MARCHF1: variants seen among roughly 807,000 people sequenced by gnomAD.
MARCHF1 encodes membrane associated ring-CH-type finger 1, also known as E3 ubiquitin-protein ligase MARCHF1.
MARCHF1 carries 40 observed loss-of-function variants against 54.2 expected under a neutral mutation model. That is an observed-to-expected ratio of 0.74 (90% CI 0.57 to 0.96). The LOEUF (loss-of-function observed/expected upper bound fraction) is 0.96, where lower values mean the gene tolerates loss of function less well. Among genes scored for constraint, MARCHF1 ranks in the 40% least tolerant of loss-of-function variants. The pLI is 0.00. For missense variants in MARCHF1, 586 were observed against 656.5 expected, an observed-to-expected ratio of 0.89 and a Z score of 1.17; for synonymous variants, 236 against 236.3, an observed-to-expected ratio of 1.00 and a Z score of 0.01.
chr4:163,631,780 A>G (rs1330407419), intron 5 of MARCHF1, among the ~76,000 whole-genome samples: 1 of 152,260 alleles, frequency 6.6e-6, no homozygotes, highest in Non-Finnish European at 1.5e-5. Flanking sequence ...ATATGATACC[A>G]AAAGCATGGG....
rs544325144 is a variant in MARCHF1, at chr4:164,149,283, G to A, written c.-322-37621C>T. Among the ~76,000 whole-genome samples the A allele has an allele frequency of 4.4e-4, 67 of 152,222 alleles. No individual in the cohort carries two copies. The Middle Eastern group carries it at 0.021, about 47-fold the overall frequency. On this transcript the variant is annotated intron_variant, in intron 1 of 9. Transcript: ENST00000514618. ...TTACTCAGTCAGTCATTCCTTTATA[G>A]CAATGCAAAATGGACTAACTCAGAT...
At chr4:163,585,965 C>T in intron 7 of MARCHF1, 36 bp from the exon 8 acceptor site, 2 of 1,555,642 alleles carry the variant, frequency 1.3e-6, no homozygotes, top group South Asian at 2.4e-5. Context: ...TGAGATCTCC[C>T]AGAGAACATT....
chr4:163,837,149 A>C (rs141108407), intron 4 of MARCHF1, among the ~76,000 whole-genome samples: 1 of 152,172 alleles, frequency 6.6e-6, no homozygotes, highest in African/African-American at 2.4e-5. Context: ...ATGAATCACA[A>C]TTAAGGGAAG....
In MARCHF1 at chr4:163,780,070, T is replaced by C. The variant is rs150058594; in HGVS notation, c.111+73951A>G. ...CCACACGGATTTGTTTATGAGCCCA[T>C]TGAGTGGACAAAATTGAGAACAGTC... On this transcript the variant is annotated intron_variant, in intron 4 of 9. Transcript: ENST00000514618. 8.3e-4 allele frequency among the ~76,000 whole-genome samples: 126 copies of C among 152,276 alleles called. 1 individual carries two copies. Among genetic ancestry groups the C allele is most frequent in the African/African-American group, 2.9e-3 (120 of 41,544 alleles).
At chr4:163,861,528 T>C (rs1227772040) in intron 3 of MARCHF1, among the ~76,000 whole-genome samples, 1 of 152,112 alleles carries the variant, frequency 6.6e-6, no homozygotes, top group Non-Finnish European at 1.5e-5. Flanking sequence ...AATATAACAA[T>C]TTTACAGGAT....
chr4:163,936,889 A>C (rs1406333420), intron 3 of MARCHF1, among the ~76,000 whole-genome samples: 1 of 152,192 alleles, frequency 6.6e-6, no homozygotes, highest in Non-Finnish European at 1.5e-5. Flanking sequence ...AGAGTATATA[A>C]GAGTGGCTTT....
intron 4 of MARCHF1, among the ~76,000 whole-genome samples, chr4:163,719,925 T>C (rs1411786494): frequency 1.3e-5 from 2 of 152,190 alleles, no homozygotes; most frequent in Non-Finnish European, 2.9e-5. Flanking sequence ...TTCTGGATAT[T>C]AGCCCTTTGT....
intron 9 of MARCHF1, among the ~76,000 whole-genome samples, chr4:163,535,076 G>A (rs985983956): frequency 3.9e-5 from 6 of 151,926 alleles, no homozygotes; most frequent in African/African-American, 1.2e-4. Flanking sequence ...AAAAAATGTT[G>A]TTCTACTTTG....
At chr4:164,306,511 T>C (rs1230642199) in intron 1 of MARCHF1, among the ~76,000 whole-genome samples, 1 of 152,160 alleles carries the variant, frequency 6.6e-6, no homozygotes, top group Non-Finnish European at 1.5e-5. Context: ...CTCACTGCAG[T>C]AAAACGATTT....
chr4:163,552,185 C>T (rs899531985), intron 8 of MARCHF1, among the ~76,000 whole-genome samples: 1 of 152,192 alleles, frequency 6.6e-6, no homozygotes, highest in Non-Finnish European at 1.5e-5. Flanking sequence ...AGTGCAGCTC[C>T]TCTGTCTCTC....
intron 1 of MARCHF1, among the ~76,000 whole-genome samples, chr4:164,168,656 T>C (rs111483934): frequency 0.013 from 1,875 of 142,104 alleles, 38 homozygotes; most frequent in East Asian, 0.092. Flanking sequence ...CTCACTTTTA[T>C]GTGGAATACA....
intron 1 of MARCHF1, among the ~76,000 whole-genome samples, chr4:164,243,221 C>G (rs200553497): frequency 1.4e-5 from 2 of 142,510 alleles, no homozygotes; most frequent in African/African-American, 2.7e-5. Flanking sequence ...CTAAGGGCAG[C>G]CAGAGAGAAA....
At chr4:164,212,614 C>T (rs1579627709) in intron 1 of MARCHF1, among the ~76,000 whole-genome samples, 1 of 152,164 alleles carries the variant, frequency 6.6e-6, no homozygotes, top group South Asian at 2.1e-4. Context: ...TGTATATGAT[C>T]AGCCTTCAAT....
rs541521955 is a variant in MARCHF1 at position 163,746,970 on chromosome 4, C to T, written c.112-46107G>A. Among the ~76,000 whole-genome samples the T allele has an allele frequency of 4.6e-5, 7 of 152,274 alleles. No homozygotes were observed. In the East Asian group the frequency reaches 1.2e-3, roughly 25 times the overall value. On this transcript the variant is annotated intron_variant, in intron 4 of 9. Transcript: ENST00000514618. The stretch of plus-strand genomic sequence containing the variant: ...ACTGAAGCTTGTCTTTGATCTTGAG[C>T]ACATTTTCAAAGCTGGGTGAACTTG...
At chr4:163,543,502 A>G (rs943409419) in intron 9 of MARCHF1, among the ~76,000 whole-genome samples, 2 of 151,948 alleles carry the variant, frequency 1.3e-5, no homozygotes, top group East Asian at 1.9e-4. Flanking sequence ...CTTTCAAACA[A>G]TCATTCAGAA....
intron 2 of MARCHF1, among the ~76,000 whole-genome samples, chr4:164,080,654 G>A (rs1265843926): frequency 1.3e-5 from 2 of 150,174 alleles, no homozygotes; most frequent in African/African-American, 2.5e-5. Context: ...TCTATTGTGT[G>A]TGTGTGTGTG....
intron 3 of MARCHF1, among the ~76,000 whole-genome samples, chr4:163,985,901 T>C: frequency 6.6e-6 from 1 of 152,176 alleles, no homozygotes; most frequent in Non-Finnish European, 1.5e-5. Context: ...CAAGATGTTT[T>C]ACTTTTCTTT....
intron 5 of MARCHF1, among the ~76,000 whole-genome samples, chr4:163,632,442 A>G (rs1207944462): frequency 6.6e-6 from 1 of 152,222 alleles, no homozygotes; most frequent in African/African-American, 2.4e-5. Context: ...AGGAAGCGCA[A>G]GGGGTCAGGG....
intron 4 of MARCHF1, among the ~76,000 whole-genome samples, chr4:163,751,417 G>T (rs1261046602): frequency 6.6e-6 from 1 of 151,642 alleles, no homozygotes; most frequent in Non-Finnish European, 1.5e-5. Context: ...CATAAGGATT[G>T]GATAGGAAGG....
Sources: allele counts gnomAD v4.1 joint callset (sites outside exome capture counted in the v4.1 genomes callset), GRCh38; gene constraint gnomAD v4.1.1; transcripts MANE v1.5; gene names NCBI Gene and HGNC (gene_info 2026-07-23, HGNC 2026-07-21).